AGBL3: variants seen among roughly 807,000 people sequenced by gnomAD.
AGBL3 encodes cytosolic carboxypeptidase 3.
A neutral mutation model predicts 94.5 loss-of-function variants in AGBL3; 68 were observed. That is an observed-to-expected ratio of 0.72 (90% CI 0.59 to 0.88). The LOEUF is 0.88. Ranked by LOEUF, AGBL3 falls within the 40% of genes least tolerant of loss-of-function variation. The pLI, the probability that AGBL3 is intolerant of heterozygous loss-of-function variation, is 0.00. For synonymous variants in AGBL3, 354 were observed against 370.7 expected, an observed-to-expected ratio of 0.95 and a Z score of 0.52; for missense variants, 934 against 1,103.8, an observed-to-expected ratio of 0.85 and a Z score of 2.18.
rs562979937 is a variant in AGBL3 at position 135,128,724 on chromosome 7, A to T, written c.2343-6117A>T. 2.2e-6 allele frequency: 3 copies of T among 1,378,396 alleles called. No homozygotes were observed. The East Asian group carries it at 6.9e-5, about 32-fold the overall frequency. The allele number at this position is 1,378,396 out of a possible 1,614,324, so 85.4% of individuals were successfully genotyped here. On this transcript the variant is annotated intron_variant, in intron 16 of 16. Transcript: ENST00000436302. ...GCTCAAGATTGATTCTCAGAAAAAA[A>T]GTGCAGAGAAGGACAGCTCAAGCCT...
At chr7:134,994,416 C>T (rs2133378506) in intron 4 of AGBL3, among the ~76,000 whole-genome samples, 1 of 121,456 alleles carries the variant, frequency 8.2e-6, no homozygotes, top group South Asian at 2.5e-4. Context: ...TGTGTCCATT[C>T]CCAAATTCAT....
intron 15 of AGBL3, among the ~76,000 whole-genome samples, chr7:135,084,246 G>A (rs889957623): frequency 1.4e-4 from 21 of 151,970 alleles, no homozygotes; most frequent in Non-Finnish European, 1.3e-4. Context: ...TTGTACATAT[G>A]GGGTACAGTG....
chr7:135,032,791 C>A (rs913466481), intron 5 of AGBL3, 53 bp from the exon 6 acceptor site: 212 of 1,478,058 alleles, frequency 1.4e-4, no homozygotes, highest in Non-Finnish European at 1.8e-4. Context: ...TGCAGAATAA[C>A]CTTCTTACTT....
intron 1 of AGBL3, 87 bp from the exon 2 acceptor site, chr7:134,987,788 A>T (rs1233069156): frequency 1.6e-6 from 1 of 615,784 alleles, no homozygotes; most frequent in Non-Finnish European, 2.9e-6. Flanking sequence ...GTGACTGTTA[A>T]ATACAATTGA....
At chr7:135,059,276 T>C in intron 12 of AGBL3, 41 bp downstream of exon 12, 2 of 1,447,674 alleles carry the variant, frequency 1.4e-6, no homozygotes, top group Non-Finnish European at 1.9e-6. Flanking sequence ...ATATGCTGTG[T>C]AGGTACTGTT....
chr7:135,096,616 G>GATAC, intron 15 of AGBL3, among the ~76,000 whole-genome samples: 1 of 148,754 alleles, frequency 6.7e-6, no homozygotes, highest in South Asian at 2.1e-4. Context: ...TAGATAGATA[G>GATAC]ATAGATAGGG....
chr7:135,030,197 T>A (rs1214519338), intron 5 of AGBL3, among the ~76,000 whole-genome samples: 1 of 151,310 alleles, frequency 6.6e-6, no homozygotes, highest in Non-Finnish European at 1.5e-5. Flanking sequence ...AAACAGTATC[T>A]GTGAAGCACA....
intron 3 of AGBL3, among the ~76,000 whole-genome samples, chr7:134,993,193 TAAG>T (rs1047133268): frequency 2.1e-4 from 32 of 152,220 alleles, no homozygotes; most frequent in African/African-American, 7.7e-4. Context: ...TGACTACATT[TAAG>T]AAGAGTCAAA....
intron 5 of AGBL3, among the ~76,000 whole-genome samples, chr7:135,030,173 AAAAG>A (rs1456064430): frequency 6.6e-6 from 1 of 150,706 alleles, no homozygotes; most frequent in African/African-American, 2.5e-5. Flanking sequence ...AAAAAAAAAA[AAAAG>A]AAAGAAAAAA....
At chr7:135,045,079 T>C (rs1022877899) in intron 9 of AGBL3, among the ~76,000 whole-genome samples, 1 of 151,928 alleles carries the variant, frequency 6.6e-6, no homozygotes, top group Non-Finnish European at 1.5e-5. Context: ...TTCCATGGTG[T>C]ATATGTGCCA....
chr7:135,032,116 C>T (rs984182694), intron 5 of AGBL3, among the ~76,000 whole-genome samples: 3 of 152,166 alleles, frequency 2.0e-5, no homozygotes, highest in African/African-American at 7.2e-5. Flanking sequence ...AGCCAGGGCT[C>T]AACATGGGCT....
chr7:134,986,769 C>A (rs1486953068), intron 1 of AGBL3, 68 bp downstream of exon 1: 1 of 152,384 alleles, frequency 6.6e-6, no homozygotes, highest in East Asian at 1.9e-4. Flanking sequence ...AGCGCCTCCC[C>A]ACACCAAGGT....
chr7:135,063,525 C>A (rs893201809), intron 12 of AGBL3, among the ~76,000 whole-genome samples: 1 of 151,834 alleles, frequency 6.6e-6, no homozygotes, highest in Admixed American at 6.6e-5. Context: ...ATGAACTTCC[C>A]TCTTAGAACT....
intron 12 of AGBL3, among the ~76,000 whole-genome samples, chr7:135,064,475 A>T (rs1819106774): frequency 6.6e-6 from 1 of 152,194 alleles, no homozygotes; most frequent in African/African-American, 2.4e-5. Context: ...TTAAGAGTAC[A>T]ATGATGACCC....
intron 12 of AGBL3, among the ~76,000 whole-genome samples, chr7:135,071,373 G>GT: frequency 6.6e-6 from 1 of 152,158 alleles, no homozygotes; most frequent in East Asian, 1.9e-4. Flanking sequence ...TCCCCATCAA[G>GT]TTACCAATGA....
Position 135,134,912 on chromosome 7 carries a change from T to A in AGBL3, c.2414T>A (p.Phe805Tyr). The A allele has an allele frequency of 3.2e-6, 5 of 1,551,146 alleles. No individual in the cohort carries two copies. The highest frequency in any genetic ancestry group is 4.4e-6 in the Non-Finnish European group (5 of 1,146,634). ...TGGACAGCACCCAGAAATCACCCTT[T>A]TGTAATCCAAGGGGATGTTATGGCA... ...TSWTAPRNHPFVIQGDVMANS... is the reference protein window; with the variant it reads ...TSWTAPRNHPYVIQGDVMANS... The change falls in exon 17 of 17, where the codon TTT (phenylalanine) becomes TAT (tyrosine). Residue 805 changes from phenylalanine (F) to tyrosine (Y), a missense_variant. Phe to Tyr is a conservative substitution (Grantham distance 22). Transcript: ENST00000436302.
At chr7:135,095,743 G>C (rs2116955782) in intron 15 of AGBL3, among the ~76,000 whole-genome samples, 1 of 152,256 alleles carries the variant, frequency 6.6e-6, no homozygotes, top group African/African-American at 2.4e-5. Flanking sequence ...GACTGCTGAT[G>C]TTGGCAACCA....
intron 15 of AGBL3, among the ~76,000 whole-genome samples, chr7:135,103,565 C>T (rs1824185510): frequency 6.6e-6 from 1 of 152,160 alleles, no homozygotes; most frequent in Non-Finnish European, 1.5e-5. Context: ...GAAAGGCCTT[C>T]AAGTTTCTGA....
intron 14 of AGBL3, among the ~76,000 whole-genome samples, chr7:135,080,647 A>G (rs7807363): frequency 0.93 from 141,587 of 152,098 alleles, 66,678 homozygotes; most frequent in Non-Finnish European, 1. Context: ...AGTAGAAGAT[A>G]AGCCCAGGAG....
Sources: allele counts gnomAD v4.1 joint callset (sites outside exome capture counted in the v4.1 genomes callset), GRCh38; gene constraint gnomAD v4.1.1; transcripts MANE v1.5; gene names NCBI Gene and HGNC (gene_info 2026-07-23, HGNC 2026-07-21).